The following LAMP2 variants were observed in gnomAD, a reference collection of about 807,000 sequenced individuals.
LAMP2 encodes lysosome-associated membrane glycoprotein 2.
In LAMP2, 4 loss-of-function variants were observed where a neutral mutation model predicts 25.6. The observed-to-expected ratio is 0.16, with a 90% CI of 0.08 to 0.36. The LOEUF is 0.36. LAMP2 is among the 10% of genes least tolerant of loss of function. The pLI is 1.00. For synonymous variants in LAMP2, 108 were observed against 112.7 expected, an observed-to-expected ratio of 0.96 and a Z score of 0.27; for missense variants, 272 against 301.4, an observed-to-expected ratio of 0.90 and a Z score of 0.72.
chrX:120,443,111 C>A (rs1419037279), intron 6 of LAMP2, among the ~76,000 whole-genome samples: 2 of 111,833 alleles, frequency 1.8e-5, no homozygotes, highest in African/African-American at 6.5e-5. Flanking sequence ...CCAGGAGCTA[C>A]CAAAATGAAC....
In LAMP2 at chrX:120,450,697, A is replaced by G. The variant is rs190130470; in HGVS notation, c.398-1569T>C. 7.3e-3 allele frequency among the ~76,000 whole-genome samples: 818 copies of G among 111,303 alleles called. 10 individuals are homozygous for G. Among genetic ancestry groups the G allele is most frequent in the African/African-American group, 0.026 (783 of 30,638 alleles). ...GGCAAGAAGGAAAATGGGTCTGGGG[A>G]ATGAAGACAAAGGAAATATCAACTG... On this transcript the variant is annotated intron_variant, in intron 3 of 8. Transcript: ENST00000200639.
intron 3 of LAMP2, among the ~76,000 whole-genome samples, chrX:120,452,989 G>C (rs1470303087): frequency 9.1e-6 from 1 of 110,385 alleles, no homozygotes; most frequent in Non-Finnish European, 1.9e-5. Context: ...AGAGATTTAT[G>C]AACCCTCTAC....
intron 8 of LAMP2, among the ~76,000 whole-genome samples, chrX:120,434,445 C>T (rs5956218): frequency 0.08 from 8,889 of 111,474 alleles, 841 homozygotes; most frequent in African/African-American, 0.27. Context: ...TGAATTCAAC[C>T]TTTAAAAATT....
rs949605646 is a variant in LAMP2 at position 120,456,699 on chromosome X, T to C, written c.135A>G (p.Lys45=). The change falls in exon 2 of 9, where the codon AAA becomes AAG. Residue 45 remains lysine (K), a synonymous_variant. Coordinates refer to ENST00000200639, the MANE Select transcript of LAMP2 (RefSeq NM_002294.3). The part of the protein sequence containing the change: ...DSENATCLYA[K]WQMNFTVRYE... ...AGCGTACTGTGAAATTCATCTGCCA[T>C]TTTGCATAAAGGCAAGTGGCATTTT... 8.4e-7 allele frequency: 1 copy of C among 1,189,105 alleles called. No individual in the cohort carries two copies. Among genetic ancestry groups the C allele is most frequent in the South Asian group, 1.8e-5 (1 of 54,833 alleles).
intron 8 of LAMP2, among the ~76,000 whole-genome samples, chrX:120,431,916 A>C (rs2058524800): frequency 8.9e-6 from 1 of 112,283 alleles, no homozygotes; most frequent in African/African-American, 3.2e-5. Flanking sequence ...ACAATCTGGG[A>C]TCATTTACTA....
intron 8 of LAMP2, chrX:120,437,278 C>A: frequency 1.4e-6 from 1 of 720,738 alleles, no homozygotes; most frequent in Admixed American, 1.0e-4. Flanking sequence ...CCCATGCTAG[C>A]ATGCAACTGC....
chrX:120,467,308 T>A (rs1316042521), intron 1 of LAMP2, among the ~76,000 whole-genome samples: 2 of 111,760 alleles, frequency 1.8e-5, no homozygotes, highest in East Asian at 5.6e-4. Flanking sequence ...AGGGAGATGA[T>A]TCTTTGTTGT....
In LAMP2 at chrX:120,448,027, T is replaced by C. The variant is rs1395157565; in HGVS notation, c.557-2A>G. The C allele has an allele frequency of 8.3e-7, 1 of 1,208,634 alleles. No homozygotes were observed. Among genetic ancestry groups the C allele is most frequent in the South Asian group, 1.8e-5 (1 of 56,922 alleles). Reference sequence around the variant, plus strand: ...TTTTGTCTTTATCACACAGGAACTCTAAAACAAGCGAAAAGGGACAAAAGA... The same window carrying C: ...TTTTGTCTTTATCACACAGGAACTCCAAAACAAGCGAAAAGGGACAAAAGA... On this transcript the variant is annotated splice_acceptor_variant, in intron 4 of 8. Coordinates refer to ENST00000200639, the MANE Select transcript of LAMP2 (RefSeq NM_002294.3). LOFTEE classifies it high-confidence loss of function.
At chrX:120,435,554 G>A (rs975924742) in intron 8 of LAMP2, among the ~76,000 whole-genome samples, 3 of 112,137 alleles carry the variant, frequency 2.7e-5, no homozygotes, top group Admixed American at 1.9e-4. Context: ...TTCTTGATAC[G>A]TAACAAGTAG....
At chrX:120,469,031 T>C (rs954283300) in intron 1 of LAMP2, 75 bp downstream of exon 1, 8 of 1,059,203 alleles carry the variant, frequency 7.6e-6, no homozygotes, top group Admixed American at 6.6e-5. Context: ...CTCGGACCAG[T>C]CTTTCAGGTT....
At chrX:120,434,004 C>T (rs1030507421) in intron 8 of LAMP2, among the ~76,000 whole-genome samples, 4 of 111,851 alleles carry the variant, frequency 3.6e-5, no homozygotes, top group Non-Finnish European at 7.5e-5. Context: ...CTTCTTGGTT[C>T]TGTTAAGAAT....
chrX:120,436,684 G>C (rs1202725471), intron 8 of LAMP2: 2 of 734,172 alleles, frequency 2.7e-6, no homozygotes, highest in African/African-American at 4.7e-5. Context: ...ACCAGATAGA[G>C]CGTTACCATC....
rs780307352 is a variant in LAMP2, at chrX:120,469,090, G to C, written c.64+16C>G. Reference sequence around the variant, plus strand: ...GCCCAGGCGGACAGACTAATCGGGAGGGCCCGACAACTCACCCAGGACTAG... The same window carrying C: ...GCCCAGGCGGACAGACTAATCGGGACGGCCCGACAACTCACCCAGGACTAG... On this transcript the variant is annotated intron_variant, in intron 1 of 8. Coordinates refer to ENST00000200639, the MANE Select transcript of LAMP2 (RefSeq NM_002294.3). 2 of 1,209,475 alleles carry C rather than the reference G, an allele frequency of 1.7e-6. No homozygotes were observed. Among genetic ancestry groups the C allele is most frequent in the South Asian group, 3.5e-5 (2 of 56,972 alleles).
In LAMP2 at chrX:120,436,173, C is replaced by T. The variant is rs1238317754; in HGVS notation, c.1094-4711G>A. Among the ~76,000 whole-genome samples, 7 of 104,400 alleles carry T rather than the reference C, an allele frequency of 6.7e-5. No homozygotes were observed. The Admixed American group carries it at 7.3e-4, about 11-fold the overall frequency. 90.7% of individuals were successfully genotyped at this position (104,400 alleles called of 115,157 possible). ...ACACACACACACACACACACACACT[C>T]TCTCTCTCTCTCTCTGTCTCTCTCT... On this transcript the variant is annotated intron_variant, in intron 8 of 8. Transcript: ENST00000200639.
chrX:120,435,299 T>C (rs1266406853), intron 8 of LAMP2, among the ~76,000 whole-genome samples: 1 of 112,291 alleles, frequency 8.9e-6, no homozygotes, highest in Non-Finnish European at 1.9e-5. Flanking sequence ...AGCTACTCAA[T>C]ATCATTCATG....
chrX:120,442,655 T>C lies in LAMP2; in HGVS notation c.872A>G (p.Glu291Gly). ...YLDFVFAVKN[E>G]NRFYLKEVNI... is the part of the protein sequence containing the mutation. ...CACTTCCTTCAGATAAAATCGGTTT[T>C]CATTTTTCTGTTTGAAAAAGAGCTT... The change falls in exon 7 of 9, where the codon GAA becomes GGA. Residue 291 changes from glutamate to glycine, a missense_variant. Transcript: ENST00000200639. 8.3e-7 allele frequency: 1 copy of C among 1,204,821 alleles called. No individual in the cohort carries two copies. Among genetic ancestry groups the C allele is most frequent in the Non-Finnish European group, 1.1e-6 (1 of 889,105 alleles).
chrX:120,466,543 G>A (rs745314295), intron 1 of LAMP2, among the ~76,000 whole-genome samples: 254 of 111,689 alleles, frequency 2.3e-3, no homozygotes, highest in Non-Finnish European at 4.0e-3. Flanking sequence ...CCTCAAGGCC[G>A]CCTTTCAGAA....
intron 8 of LAMP2, among the ~76,000 whole-genome samples, chrX:120,440,969 T>C (rs1042645342): frequency 8.9e-6 from 1 of 111,807 alleles, no homozygotes; most frequent in Non-Finnish European, 1.9e-5. Context: ...TTCCAAACCA[T>C]AGAATTAATG....
chrX:120,431,711 G>A (rs1480187669), intron 8 of LAMP2, among the ~76,000 whole-genome samples: 1 of 112,452 alleles, frequency 8.9e-6, no homozygotes, highest in Non-Finnish European at 1.9e-5. Flanking sequence ...GTATAACATG[G>A]TCACATAGTT....
Sources: allele counts gnomAD v4.1 joint callset (sites outside exome capture counted in the v4.1 genomes callset), GRCh38; gene constraint gnomAD v4.1.1; transcripts MANE v1.5; gene names NCBI Gene and HGNC (gene_info 2026-07-23, HGNC 2026-07-21).